The following ANGEL2 variants were observed in gnomAD, a reference collection of about 807,000 sequenced individuals.
ANGEL2 encodes the protein angel homolog 2, also known as RNA 2',3'-cyclic phosphatase ANGEL2.
ANGEL2 carries 41 observed loss-of-function variants against 66.0 expected under a neutral mutation model. The ratio of observed to expected loss-of-function variants is 0.62; its 90% CI spans 0.48 to 0.81. The LOEUF is 0.81. ANGEL2 is among the 30% of genes least tolerant of loss of function. The probability of loss-of-function intolerance (pLI) is 0.00; values close to 1 mark genes in which losing one functional copy is unlikely to be tolerated. For missense variants in ANGEL2, 561 were observed against 641.6 expected, an observed-to-expected ratio of 0.87 and a Z score of 1.36; for synonymous variants, 208 against 226.5, an observed-to-expected ratio of 0.92 and a Z score of 0.73.
intron 2 of ANGEL2, chr1:213,011,484 T>A (rs978619854): frequency 1.8e-6 from 2 of 1,091,396 alleles, no homozygotes; most frequent in Admixed American, 4.9e-5. Context: ...ATATAGAAAG[T>A]CAGGTTGTAA....
In ANGEL2 at chr1:212,995,331, A is replaced by C. The variant is rs933751736; in HGVS notation, c.1484-139T>G. The C allele has an allele frequency of 8.8e-6, 5 of 568,142 alleles. No individual in the cohort carries two copies. The African/African-American group carries it at 9.6e-5, about 11-fold the overall frequency. The allele number at this position is 568,142 out of a possible 1,614,324, so 35.2% of individuals were successfully genotyped here. ...TAAAAACTATGACACAGTTTTTAGA[A>C]TATCTAAGCTTTATTGAATTATAAC... is the stretch of plus-strand genomic sequence containing the variant. On this transcript the variant is annotated intron_variant, in intron 8 of 8. Transcript: ENST00000366962.
chr1:213,005,514 G>A, intron 4 of ANGEL2, 60 bp from the exon 5 acceptor site: 3 of 1,438,472 alleles, frequency 2.1e-6, no homozygotes, highest in African/African-American at 1.4e-5. Flanking sequence ...TCAAAACACA[G>A]CTCACCTGAT....
chr1:213,015,317 TGG>T, intron 1 of ANGEL2: 1 of 1,333,952 alleles, frequency 7.5e-7, no homozygotes, highest in Non-Finnish European at 9.6e-7. Flanking sequence ...GAGGCTGGGT[TGG>T]GGGAAGCAGG....
intron 7 of ANGEL2, 141 bp from the exon 8 acceptor site, chr1:212,997,459 TTTAG>T: frequency 1.4e-6 from 1 of 696,436 alleles, no homozygotes; most frequent in Non-Finnish European, 2.3e-6. Flanking sequence ...CATATCATAA[TTTAG>T]TATTAATTTA....
chr1:212,999,293 C>T (rs1006005688), intron 7 of ANGEL2, among the ~76,000 whole-genome samples: 12 of 152,170 alleles, frequency 7.9e-5, no homozygotes, highest in African/African-American at 2.2e-4. Flanking sequence ...AGATTATAGG[C>T]GTGAGCCAAC....
intron 1 of ANGEL2, chr1:213,015,348 T>C (rs2076615095): frequency 4.3e-6 from 6 of 1,388,662 alleles, no homozygotes; most frequent in South Asian, 1.6e-5. Context: ...CCAAAGCCAC[T>C]GGCACAAGCC....
rs773055719 is a variant in ANGEL2, at chr1:213,015,723, T to G, written c.-52A>C. On this transcript the variant is annotated 5_prime_UTR_variant, in exon 1 of 9. Transcript: ENST00000366962. Reference sequence around the variant, plus strand: ...CCAGGCCCCGGGTTCCACCTCAATCTCTATAATCGATGCGACGGCCTAAAG... The same window carrying G: ...CCAGGCCCCGGGTTCCACCTCAATCGCTATAATCGATGCGACGGCCTAAAG... 26 of 1,612,452 alleles carry G rather than the reference T, an allele frequency of 1.6e-5. No individual in the cohort carries two copies. In the East Asian group the frequency reaches 5.6e-4, roughly 35 times the overall value.
intron 2 of ANGEL2, among the ~76,000 whole-genome samples, chr1:213,009,141 A>G (rs960746711): frequency 1.7e-4 from 26 of 152,290 alleles, no homozygotes; most frequent in African/African-American, 6.0e-4. Flanking sequence ...CAAACCTAGC[A>G]TGCAACAACC....
In ANGEL2 at chr1:213,015,655, C is replaced by G. The variant is rs1363468280; in HGVS notation, c.17G>C (p.Cys6Ser). Residue 6 changes from cysteine to serine, a missense_variant, in exon 1 of 9, where the codon TGT (cysteine) becomes TCT (serine). Cys to Ser is a moderately radical substitution (Grantham distance 112). Transcript: ENST00000366962. Reference sequence around the variant, plus strand: ...ACAGTGGCCGTAGCCCTTCCTCACACAGCGCCAGGCTTCCATCTTCGCCCT... The same window carrying G: ...ACAGTGGCCGTAGCCCTTCCTCACAGAGCGCCAGGCTTCCATCTTCGCCCT... MEAWRCVRKGYGHCVV... is the reference protein window; with the variant it reads MEAWRSVRKGYGHCVV... The G allele has an allele frequency of 6.2e-7, 1 of 1,614,188 alleles. No individual in the cohort carries two copies. Among genetic ancestry groups the G allele is most frequent in the South Asian group, 1.1e-5 (1 of 91,078 alleles).
rs772837169 is a variant in ANGEL2, at chr1:213,000,818, T to G, written c.1229A>C (p.Glu410Ala). Reference sequence around the variant, plus strand: ...TTCTACTTTTGGTACCTGCTGTACCTCATACACACAGTTCTGTGAGATACC... The same window carrying G: ...TTCTACTTTTGGTACCTGCTGTACCGCATACACACAGTTCTGTGAGATACC... ...NLGISQNCVY[E>A]VQQVPKVEKT... Residue 410 changes from glutamate (E) to alanine (A), a missense_variant, in exon 6 of 9, where the codon GAG (glutamate) becomes GCG (alanine). Glu to Ala is a moderately radical substitution (Grantham distance 107). Coordinates refer to ENST00000366962, the MANE Select transcript of ANGEL2 (RefSeq NM_144567.5). 6.2e-7 allele frequency: 1 copy of G among 1,611,654 alleles called. No homozygotes were observed. The highest frequency in any genetic ancestry group is 1.1e-5 in the South Asian group (1 of 90,370).
At chr1:213,006,160 A>C (rs1418241281) in intron 4 of ANGEL2, among the ~76,000 whole-genome samples, 1 of 151,538 alleles carries the variant, frequency 6.6e-6, no homozygotes, top group Non-Finnish European at 1.5e-5. Context: ...GTAGGCACTC[A>C]AAAAAAAATT....
chr1:212,994,292 A>C lies in ANGEL2; in HGVS notation c.*749T>G, dbSNP rs1165952223. Reference sequence around the variant, plus strand: ...AGTGAAACTCCATCTCAAAAAATAAAATAAAATAAAAATAAATAAATAAAA... The same window carrying C: ...AGTGAAACTCCATCTCAAAAAATAACATAAAATAAAAATAAATAAATAAAA... On this transcript the variant is annotated 3_prime_UTR_variant, in exon 9 of 9. Transcript: ENST00000366962. 6.6e-6 allele frequency: 1 copy of C among 152,268 alleles called. No individual in the cohort carries two copies. The highest frequency in any genetic ancestry group is 1.5e-5 in the Non-Finnish European group (1 of 68,118). The allele number at this position is 152,268 out of a possible 1,614,324, so 9.4% of individuals were successfully genotyped here.
chr1:213,001,642 A>T (rs1216799375), intron 5 of ANGEL2: 5 of 152,210 alleles, frequency 3.3e-5, no homozygotes, highest in Admixed American at 6.5e-5. Flanking sequence ...GTAGCATCTG[A>T]TGCTATTTGA....
rs757385076 is a variant in ANGEL2 at position 213,000,365 on chromosome 1, G to A, written c.1280C>T (p.Thr427Ile). Residue 427 changes from threonine to isoleucine, a missense_variant, in exon 7 of 9, where the codon ACA becomes ATA. Transcript: ENST00000366962. ...VEKTDSDLTQ[T>I]QLKQTEVLVT... Reference sequence around the variant, plus strand: ...TAGGACCTCTGTTTGCTTCAGCTGTGTTTGTGTCAGATCACTGTCTGTAAG... The same window carrying A: ...TAGGACCTCTGTTTGCTTCAGCTGTATTTGTGTCAGATCACTGTCTGTAAG... 1.2e-6 allele frequency: 2 copies of A among 1,613,726 alleles called. No homozygotes were observed. The highest frequency in any genetic ancestry group is 1.1e-5 in the South Asian group (1 of 91,060).
At chr1:212,998,938 G>C (rs1296857477) in intron 7 of ANGEL2, among the ~76,000 whole-genome samples, 1 of 152,008 alleles carries the variant, frequency 6.6e-6, no homozygotes. Flanking sequence ...GGAATGCGGT[G>C]GTGCGATCTC....
At chr1:213,003,617 A>G (rs956808615) in intron 5 of ANGEL2, among the ~76,000 whole-genome samples, 2 of 152,210 alleles carry the variant, frequency 1.3e-5, no homozygotes, top group Admixed American at 6.5e-5. Flanking sequence ...GGTACAGTTC[A>G]TAACACCCCA....
chr1:213,015,634 T>G lies in ANGEL2; in HGVS notation c.38A>C (p.His13Pro), dbSNP rs2076625652. The change falls in exon 1 of 9, where the codon CAC (histidine) becomes CCC (proline). Residue 13 changes from histidine to proline, a missense_variant. His to Pro is a moderately conservative substitution (Grantham distance 77). Transcript: ENST00000366962. The stretch of plus-strand genomic sequence containing the variant: ...TGACCGGCCTCTTCCCACCACACAG[T>G]GGCCGTAGCCCTTCCTCACACAGCG... ...AWRCVRKGYG[H>P]CVVGRGRYPM... is the part of the protein sequence containing the mutation. 1 of 1,612,598 alleles carries G rather than the reference T, an allele frequency of 6.2e-7. No homozygotes were observed. The highest frequency in any genetic ancestry group is 8.5e-7 in the Non-Finnish European group (1 of 1,179,202).
At chr1:213,011,757 T>C (rs188590739) in intron 2 of ANGEL2, among the ~76,000 whole-genome samples, 2 of 152,358 alleles carry the variant, frequency 1.3e-5, no homozygotes, top group East Asian at 3.9e-4. Flanking sequence ...TCAATGCTTA[T>C]GTAGCTATGC....
rs1043356770 is a variant in ANGEL2, at chr1:213,015,737, G to A, written c.-66C>T. On this transcript the variant is annotated 5_prime_UTR_variant, in exon 1 of 9. Coordinates refer to ENST00000366962, the MANE Select transcript of ANGEL2 (RefSeq NM_144567.5). ...CCACCTCAATCTCTATAATCGATGC[G>A]ACGGCCTAAAGTATCTAGGGAACCC... 1.4e-5 allele frequency: 22 copies of A among 1,607,472 alleles called. No individual in the cohort carries two copies. Among genetic ancestry groups the A allele is most frequent in the Non-Finnish European group, 1.8e-5 (21 of 1,174,564 alleles).
Sources: gnomAD v4.1 joint callset for allele counts (sites outside exome capture counted in the v4.1 genomes callset) on GRCh38, gnomAD v4.1.1 for gene constraint, MANE v1.5 for transcripts, NCBI Gene and HGNC (gene_info 2026-07-23, HGNC 2026-07-21) for gene names.